The following AFG1L variants were observed in gnomAD, a reference collection of about 807,000 sequenced individuals.
AFG1L encodes the protein AFG1 like ATPase, also known as AFG1-like ATPase.
In AFG1L, 53 loss-of-function variants were observed where a neutral mutation model predicts 62.2. The ratio of observed to expected loss-of-function variants is 0.85; its 90% CI spans 0.68 to 1.07. The LOEUF is 1.07. Ranked by LOEUF, AFG1L falls within the 50% of genes least tolerant of loss-of-function variation. The pLI is 0.00. For synonymous variants in AFG1L, 228 were observed against 210.3 expected, an observed-to-expected ratio of 1.08 and a Z score of -0.73; for missense variants, 555 against 590.5, an observed-to-expected ratio of 0.94 and a Z score of 0.62.
chr6:108,483,574 A>T (rs890899231), intron 10 of AFG1L, among the ~76,000 whole-genome samples: 5 of 152,238 alleles, frequency 3.3e-5, no homozygotes, highest in Admixed American at 2.6e-4. Context: ...GTTGAGAAAT[A>T]TAATTTTTAC....
At chr6:108,301,443 C>T (rs1021438105) in intron 1 of AFG1L, among the ~76,000 whole-genome samples, 2 of 152,190 alleles carry the variant, frequency 1.3e-5, no homozygotes, top group Non-Finnish European at 2.9e-5. Context: ...CTATCTTCTG[C>T]AACTTCTTCA....
intron 8 of AFG1L, among the ~76,000 whole-genome samples, chr6:108,474,029 C>G (rs1199666287): frequency 6.6e-6 from 1 of 152,202 alleles, no homozygotes; most frequent in African/African-American, 2.4e-5. Flanking sequence ...TGCTCTTCCT[C>G]CCTCTCCCCC....
At chr6:108,298,279 TTTTTG>T in intron 1 of AFG1L, among the ~76,000 whole-genome samples, 1 of 149,076 alleles carries the variant, frequency 6.7e-6, no homozygotes, top group African/African-American at 2.5e-5. Context: ...TTTTTTTTTT[TTTTTG>T]AGACAGAGTC....
At chr6:108,382,834 T>G (rs1007312227) in intron 6 of AFG1L, among the ~76,000 whole-genome samples, 1 of 152,216 alleles carries the variant, frequency 6.6e-6, no homozygotes, top group Admixed American at 6.5e-5. Context: ...ATATCTTGAT[T>G]GTAGAGTTGC....
intron 8 of AFG1L, among the ~76,000 whole-genome samples, chr6:108,467,835 G>A (rs1387264449): frequency 6.6e-6 from 1 of 152,146 alleles, no homozygotes; most frequent in African/African-American, 2.4e-5. Context: ...AATAACTTAT[G>A]GTTTCAGGAT....
chr6:108,505,808 A>G (rs140440056), intron 10 of AFG1L, among the ~76,000 whole-genome samples: 41 of 152,334 alleles, frequency 2.7e-4, no homozygotes, highest in Non-Finnish European at 5.1e-4. Context: ...GAAGTAATAA[A>G]GAAATATACA....
At chr6:108,382,304 A>C (rs1333709463) in intron 6 of AFG1L, among the ~76,000 whole-genome samples, 1 of 151,892 alleles carries the variant, frequency 6.6e-6, no homozygotes, top group Non-Finnish European at 1.5e-5. Context: ...CTGGCTATTC[A>C]CTGTTTATTA....
intron 1 of AFG1L, among the ~76,000 whole-genome samples, chr6:108,308,869 C>CTGCT (rs1279939689): frequency 6.6e-6 from 1 of 151,932 alleles, no homozygotes; most frequent in African/African-American, 2.4e-5. Flanking sequence ...CCACGCCCAG[C>CTGCT]TGCTTTTTTG....
chr6:108,306,691 T>G (rs544473984), intron 1 of AFG1L, among the ~76,000 whole-genome samples: 3 of 152,360 alleles, frequency 2.0e-5, no homozygotes, highest in African/African-American at 7.2e-5. Context: ...GTCTTGTTAA[T>G]GTCAGCAGTC....
chr6:108,402,765 T>G (rs906906368), intron 7 of AFG1L, among the ~76,000 whole-genome samples: 3 of 152,126 alleles, frequency 2.0e-5, no homozygotes, highest in African/African-American at 7.2e-5. Context: ...TTCCTTCAGG[T>G]TAATGGCCAT....
At chr6:108,505,341 C>T (rs900363376) in intron 10 of AFG1L, among the ~76,000 whole-genome samples, 7 of 152,264 alleles carry the variant, frequency 4.6e-5, no homozygotes, top group African/African-American at 1.4e-4. Context: ...TTCCACTCGC[C>T]TCGGCCTCCC....
intron 7 of AFG1L, among the ~76,000 whole-genome samples, chr6:108,425,462 C>T (rs1265356869): frequency 6.6e-6 from 1 of 151,512 alleles, no homozygotes; most frequent in Admixed American, 6.6e-5. Context: ...TTTGAAGGCT[C>T]TTTAGAAACA....
At chr6:108,387,323 G>C (rs944735311) in intron 6 of AFG1L, among the ~76,000 whole-genome samples, 4 of 152,234 alleles carry the variant, frequency 2.6e-5, no homozygotes, top group African/African-American at 9.6e-5. Context: ...GGTCTCAGAT[G>C]CTGAGGCAGG....
intron 10 of AFG1L, among the ~76,000 whole-genome samples, chr6:108,481,812 A>G (rs1024078261): frequency 6.6e-6 from 1 of 152,144 alleles, no homozygotes; most frequent in African/African-American, 2.4e-5. Context: ...TGCAAGCTGA[A>G]CTAGCCACTA....
intron 8 of AFG1L, among the ~76,000 whole-genome samples, chr6:108,447,712 C>A (rs1199810967): frequency 6.6e-6 from 1 of 152,032 alleles, no homozygotes; most frequent in African/African-American, 2.4e-5. Flanking sequence ...TGATTGACTT[C>A]CATATATAAC....
chr6:108,441,072 A>C (rs564303394), intron 7 of AFG1L, among the ~76,000 whole-genome samples: 20 of 152,310 alleles, frequency 1.3e-4, no homozygotes, highest in Non-Finnish European at 2.6e-4. Flanking sequence ...AAATGCTAAG[A>C]TGGGCAAATC....
chr6:108,405,142 C>G (rs532431234), intron 7 of AFG1L, among the ~76,000 whole-genome samples: 8 of 152,270 alleles, frequency 5.3e-5, no homozygotes, highest in Non-Finnish European at 1.0e-4. Flanking sequence ...GTTATCATGA[C>G]TGCTTTAAAA....
At chr6:108,311,503 C>G (rs1032614736) in intron 1 of AFG1L, among the ~76,000 whole-genome samples, 5 of 151,884 alleles carry the variant, frequency 3.3e-5, no homozygotes, top group Non-Finnish European at 2.9e-5. Flanking sequence ...GTTTTGTTTT[C>G]TTTTTTTGCT....
chr6:108,446,202 G>C (rs974224915), intron 7 of AFG1L, among the ~76,000 whole-genome samples: 1 of 152,116 alleles, frequency 6.6e-6, no homozygotes, highest in Non-Finnish European at 1.5e-5. Flanking sequence ...TTTGGGATGT[G>C]TGTGGTGTAT....
Sources: gnomAD v4.1 joint callset for allele counts (sites outside exome capture counted in the v4.1 genomes callset) on GRCh38, gnomAD v4.1.1 for gene constraint, MANE v1.5 for transcripts, NCBI Gene and HGNC (gene_info 2026-07-23, HGNC 2026-07-21) for gene names.